Variants in KHDRBS3 observed in about 807,000 individuals in gnomAD.
KHDRBS3 encodes the protein KH domain-containing, RNA-binding, signal transduction-associated protein 3.
Under a neutral mutation model 45.6 loss-of-function variants are expected in KHDRBS3, and 23 were observed. The observed-to-expected ratio is 0.50, with a 90% CI of 0.36 to 0.72. The LOEUF (loss-of-function observed/expected upper bound fraction) is 0.72. Ranked by LOEUF, KHDRBS3 falls within the 30% of genes least tolerant of loss-of-function variation. KHDRBS3 has a pLI of 0.00. For missense variants in KHDRBS3, 352 were observed against 424.8 expected, an observed-to-expected ratio of 0.83 and a Z score of 1.51; for synonymous variants, 162 against 156.5, an observed-to-expected ratio of 1.04 and a Z score of -0.26.
At chr8:135,466,841 GAC>G (rs1338940912) in intron 1 of KHDRBS3, among the ~76,000 whole-genome samples, 1 of 152,264 alleles carries the variant, frequency 6.6e-6, no homozygotes, top group South Asian at 2.1e-4. Context: ...TCATTTATTC[GAC>G]ACATATTTGT....
intron 5 of KHDRBS3, among the ~76,000 whole-genome samples, chr8:135,578,894 A>G (rs752452603): frequency 2.0e-5 from 3 of 152,212 alleles, no homozygotes; most frequent in African/African-American, 4.8e-5. Flanking sequence ...AGTTTTCTAC[A>G]TAGGAATACT....
intron 4 of KHDRBS3, among the ~76,000 whole-genome samples, chr8:135,554,067 C>T (rs1348651333): frequency 1.3e-5 from 2 of 152,128 alleles, no homozygotes; most frequent in Admixed American, 6.5e-5. Context: ...AAAAAATTGT[C>T]TACAATCACA....
chr8:135,461,140 T>C (rs1005405357), intron 1 of KHDRBS3, among the ~76,000 whole-genome samples: 3 of 152,222 alleles, frequency 2.0e-5, no homozygotes, highest in Non-Finnish European at 4.4e-5. Context: ...GCCCAGGCTC[T>C]GTTGCCCAGG....
chr8:135,471,821 T>C (rs1822030907), intron 1 of KHDRBS3, among the ~76,000 whole-genome samples: 2 of 152,252 alleles, frequency 1.3e-5, no homozygotes, highest in South Asian at 4.1e-4. Context: ...GCTCTCTGTG[T>C]GCCAGCTACT....
chr8:135,488,002 T>A (rs1822950584), intron 1 of KHDRBS3, among the ~76,000 whole-genome samples: 1 of 152,240 alleles, frequency 6.6e-6, no homozygotes, highest in African/African-American at 2.4e-5. Context: ...GTTTTATTGT[T>A]TTCACAAATT....
intron 5 of KHDRBS3, among the ~76,000 whole-genome samples, chr8:135,557,811 C>T (rs978006811): frequency 6.6e-5 from 10 of 152,114 alleles, no homozygotes; most frequent in Admixed American, 4.6e-4. Context: ...ATGTGGGCAA[C>T]GTAGTGAGAC....
At chr8:135,538,079 C>T (rs925642517) in intron 2 of KHDRBS3, among the ~76,000 whole-genome samples, 1 of 152,102 alleles carries the variant, frequency 6.6e-6, no homozygotes, top group African/African-American at 2.4e-5. Flanking sequence ...AAAAGGCTTT[C>T]CTTTCATGAG....
At position 135,509,945 on chromosome 8, in the gene KHDRBS3, A is replaced by G. The variant is rs546012907; in HGVS notation, c.89-11292A>G. ...ATAAGAGCTATTGAGAGATAAACTT[A>G]GGTACATTGAAATTTTCTTTCCCCC... On this transcript the variant is annotated intron_variant, in intron 1 of 8. Transcript: ENST00000355849. 2.0e-5 allele frequency among the ~76,000 whole-genome samples: 3 copies of G among 148,692 alleles called. No homozygotes were observed. The East Asian group carries it at 5.9e-4, about 29-fold the overall frequency.
intron 2 of KHDRBS3, among the ~76,000 whole-genome samples, chr8:135,528,630 T>C (rs1266718889): frequency 1.3e-5 from 2 of 152,238 alleles, no homozygotes; most frequent in African/African-American, 4.8e-5. Flanking sequence ...TTGGTTGTCT[T>C]AGACCTTTGT....
intron 7 of KHDRBS3, among the ~76,000 whole-genome samples, chr8:135,618,862 G>C (rs1313117289): frequency 1.3e-5 from 2 of 152,166 alleles, no homozygotes; most frequent in Admixed American, 6.5e-5. Context: ...CTGGCACGTG[G>C]CACTTGGAAT....
intron 1 of KHDRBS3, among the ~76,000 whole-genome samples, chr8:135,485,377 TA>T (rs1391979905): frequency 6.6e-6 from 1 of 151,916 alleles, no homozygotes; most frequent in Non-Finnish European, 1.5e-5. Context: ...ACAGGATGAG[TA>T]AGAGTTTGCC....
At chr8:135,623,107 A>G (rs892305519) in intron 7 of KHDRBS3, among the ~76,000 whole-genome samples, 1 of 152,242 alleles carries the variant, frequency 6.6e-6, no homozygotes, top group African/African-American at 2.4e-5. Context: ...ATGTAGTTTC[A>G]ATACTTCATG....
chr8:135,585,409 G>A (rs1443194505), intron 6 of KHDRBS3, among the ~76,000 whole-genome samples: 1 of 152,014 alleles, frequency 6.6e-6, no homozygotes, highest in Non-Finnish European at 1.5e-5. Flanking sequence ...TTATTACATG[G>A]AACTAGAACA....
At chr8:135,639,197 G>C (rs541666365) in intron 7 of KHDRBS3, among the ~76,000 whole-genome samples, 1 of 152,262 alleles carries the variant, frequency 6.6e-6, no homozygotes, top group African/African-American at 2.4e-5. Context: ...GAGGAGTAAT[G>C]GTGGTGATTG....
chr8:135,562,535 CT>C (rs35589580), intron 5 of KHDRBS3, among the ~76,000 whole-genome samples: 8 of 152,112 alleles, frequency 5.3e-5, no homozygotes, highest in African/African-American at 1.9e-4. Flanking sequence ...TTATTTACTC[CT>C]TTTTTTCATG....
At chr8:135,514,842 C>T (rs999933187) in intron 1 of KHDRBS3, among the ~76,000 whole-genome samples, 2 of 151,988 alleles carry the variant, frequency 1.3e-5, no homozygotes, top group Admixed American at 6.6e-5. Flanking sequence ...AAAATGCAGG[C>T]GGCAGATCAT....
intron 1 of KHDRBS3, among the ~76,000 whole-genome samples, chr8:135,481,222 C>CTATATATATATATA (rs1563709656): frequency 5.5e-4 from 19 of 34,610 alleles, no homozygotes; most frequent in African/African-American, 2.3e-3. Context: ...ATGAAAGCCA[C>CTATATATATATATA]GATATATATA....
intron 1 of KHDRBS3, among the ~76,000 whole-genome samples, chr8:135,459,401 G>A (rs970113365): frequency 1.6e-4 from 25 of 152,154 alleles, no homozygotes; most frequent in Admixed American, 1.3e-4. Flanking sequence ...AAATGGGCTT[G>A]TGAAAAAGTG....
chr8:135,522,771 C>G (rs1314281104), intron 2 of KHDRBS3, among the ~76,000 whole-genome samples: 1 of 152,208 alleles, frequency 6.6e-6, no homozygotes, highest in Non-Finnish European at 1.5e-5. Flanking sequence ...TCTGTATTTT[C>G]TCTAAAAGTG....
Sources: gnomAD v4.1 joint callset for allele counts (sites outside exome capture counted in the v4.1 genomes callset) on GRCh38, gnomAD v4.1.1 for gene constraint, MANE v1.5 for transcripts, NCBI Gene and HGNC (gene_info 2026-07-23, HGNC 2026-07-21) for gene names.